FGF12: variants seen among roughly 807,000 people sequenced by gnomAD.
FGF12 encodes fibroblast growth factor 12B.
A neutral mutation model predicts 23.6 loss-of-function variants in FGF12; 14 were observed. The observed-to-expected ratio is 0.59, with a 90% CI of 0.39 to 0.93. The LOEUF (loss-of-function observed/expected upper bound fraction) is 0.93. Among genes scored for constraint, FGF12 ranks in the 40% least tolerant of loss-of-function variants. The pLI, the probability that FGF12 is intolerant of heterozygous loss-of-function variation, is 0.00. For synonymous variants in FGF12, 62 were observed against 77.3 expected (o/e 0.80, Z 1.04); for missense variants, 175 against 217.8 (o/e 0.80, Z 1.24).
chr3:192,518,450 A>G (rs2108844495), intron 2 of FGF12, among the ~76,000 whole-genome samples: 1 of 152,268 alleles, frequency 6.6e-6, no homozygotes, highest in African/African-American at 2.4e-5. Flanking sequence ...TATCTAAGAT[A>G]TTTTTCTATT....
intron 4 of FGF12, among the ~76,000 whole-genome samples, chr3:192,264,615 G>C (rs1251564371): frequency 1.3e-5 from 2 of 152,060 alleles, no homozygotes; most frequent in Admixed American, 1.3e-4. Flanking sequence ...CTTTCCAGAA[G>C]AGGAAACTGA....
intron 2 of FGF12, among the ~76,000 whole-genome samples, chr3:192,550,323 C>A (rs146838098): frequency 2.4e-4 from 36 of 149,792 alleles, no homozygotes; most frequent in Non-Finnish European, 1.8e-4. Flanking sequence ...ATAATATATT[C>A]CTTTCCTTCC....
intron 4 of FGF12, among the ~76,000 whole-genome samples, chr3:192,170,886 T>G (rs1029226832): frequency 2.0e-5 from 3 of 152,222 alleles, no homozygotes; most frequent in African/African-American, 7.2e-5. Flanking sequence ...TTGCTCAGGC[T>G]TGAAGCTACG....
chr3:192,548,868 A>G (rs1725561446), intron 2 of FGF12, among the ~76,000 whole-genome samples: 2 of 152,190 alleles, frequency 1.3e-5, no homozygotes, highest in Admixed American at 1.3e-4. Flanking sequence ...TGATTCCATA[A>G]CTAATCTACA....
At chr3:192,466,947 G>A (rs141529313) in intron 2 of FGF12, among the ~76,000 whole-genome samples, 4 of 152,164 alleles carry the variant, frequency 2.6e-5, no homozygotes, top group South Asian at 4.2e-4. Flanking sequence ...ATATAATATC[G>A]CCACATATTT....
At chr3:192,727,068 T>A in intron 2 of FGF12, 113 bp downstream of exon 2, 1 of 1,328,344 alleles carries the variant, frequency 7.5e-7, no homozygotes, top group Non-Finnish European at 1.1e-6. Flanking sequence ...CATCTCCTCC[T>A]CTATCGACCT....
At chr3:192,198,684 C>T (rs1486339454) in intron 4 of FGF12, among the ~76,000 whole-genome samples, 3 of 152,052 alleles carry the variant, frequency 2.0e-5, no homozygotes, top group African/African-American at 4.8e-5. Flanking sequence ...CTCCAAATTC[C>T]TGAAATTTGT....
chr3:192,324,544 T>A (rs6788476), intron 4 of FGF12, among the ~76,000 whole-genome samples: 66 of 152,234 alleles, frequency 4.3e-4, no homozygotes, highest in African/African-American at 1.4e-3. Flanking sequence ...TCTATACAGC[T>A]CCATATCCTC....
chr3:192,291,411 T>C (rs1714752848), intron 4 of FGF12, among the ~76,000 whole-genome samples: 1 of 151,798 alleles, frequency 6.6e-6, no homozygotes. Flanking sequence ...TGAGATCTCA[T>C]CTCCATAAAA....
At chr3:192,634,110 A>G (rs530326973) in intron 2 of FGF12, among the ~76,000 whole-genome samples, 1 of 151,608 alleles carries the variant, frequency 6.6e-6, no homozygotes, top group Non-Finnish European at 1.5e-5. Flanking sequence ...AATTTTCATC[A>G]TACTTTATTC....
chr3:192,255,658 A>G (rs936698222), intron 4 of FGF12, among the ~76,000 whole-genome samples: 6 of 152,222 alleles, frequency 3.9e-5, no homozygotes, highest in Admixed American at 3.3e-4. Flanking sequence ...TTAGTCATCA[A>G]TGTAAACCTA....
intron 2 of FGF12, among the ~76,000 whole-genome samples, chr3:192,380,663 A>C (rs1719777753): frequency 6.6e-6 from 1 of 152,120 alleles, no homozygotes; most frequent in Non-Finnish European, 1.5e-5. Flanking sequence ...CCTGCCCCTG[A>C]TTGTCCAATA....
chr3:192,193,535 A>G (rs1428349814), intron 4 of FGF12, among the ~76,000 whole-genome samples: 1 of 152,094 alleles, frequency 6.6e-6, no homozygotes, highest in Non-Finnish European at 1.5e-5. Flanking sequence ...ATAATCATCA[A>G]ATTTATTTGA....
intron 2 of FGF12, among the ~76,000 whole-genome samples, chr3:192,524,153 T>C (rs1724886705): frequency 6.6e-6 from 1 of 152,192 alleles, no homozygotes; most frequent in South Asian, 2.1e-4. Context: ...CCCTGCCCCC[T>C]TCCTAGTGCA....
intron 2 of FGF12, among the ~76,000 whole-genome samples, chr3:192,671,179 G>T (rs574380051): frequency 6.6e-5 from 10 of 152,184 alleles, no homozygotes; most frequent in Admixed American, 1.3e-4. Flanking sequence ...CCAAGTAAAG[G>T]AATTTAGATT....
intron 2 of FGF12, among the ~76,000 whole-genome samples, chr3:192,674,028 G>A (rs2108698280): frequency 6.6e-6 from 1 of 151,198 alleles, no homozygotes; most frequent in South Asian, 2.1e-4. Flanking sequence ...TTATTGCTAA[G>A]TGTTTTATGA....
At chr3:192,710,373 A>C (rs1718624709) in intron 2 of FGF12, among the ~76,000 whole-genome samples, 1 of 152,254 alleles carries the variant, frequency 6.6e-6, no homozygotes, top group African/African-American at 2.4e-5. Context: ...TTAAAAGTAC[A>C]ATAAATGGAT....
At chr3:192,721,065 C>T (rs189738264) in intron 2 of FGF12, among the ~76,000 whole-genome samples, 1 of 152,262 alleles carries the variant, frequency 6.6e-6, no homozygotes, top group Admixed American at 6.5e-5. Context: ...AATAAGCACA[C>T]AAGAAATCCC....
At chr3:192,321,458 A>G (rs1008492077) in intron 4 of FGF12, among the ~76,000 whole-genome samples, 1 of 151,036 alleles carries the variant, frequency 6.6e-6, no homozygotes, top group East Asian at 2.0e-4. Flanking sequence ...CTGTGAGGCC[A>G]GTACTACCCC....
Sources: allele counts gnomAD v4.1 joint callset (sites outside exome capture counted in the v4.1 genomes callset), GRCh38; gene constraint gnomAD v4.1.1; transcripts MANE v1.5; gene names NCBI Gene and HGNC (gene_info 2026-07-23, HGNC 2026-07-21).